Variants in PCCA observed in about 807,000 individuals in gnomAD.
The protein encoded by PCCA is propionyl-CoA carboxylase alpha chain, mitochondrial.
Under a neutral mutation model 101.3 loss-of-function variants are expected in PCCA, and 74 were observed. The observed-to-expected ratio is 0.73, with a 90% CI of 0.61 to 0.89. PCCA has a LOEUF of 0.89. Ranked by LOEUF, PCCA falls within the 40% of genes least tolerant of loss-of-function variation. The pLI is 0.00. For synonymous variants in PCCA, 294 were observed against 313.6 expected (o/e 0.94, Z 0.66); for missense variants, 891 against 907.0 (o/e 0.98, Z 0.23).
At chr13:100,381,738 C>T (rs1357197671) in intron 19 of PCCA, among the ~76,000 whole-genome samples, 14 of 152,318 alleles carry the variant, frequency 9.2e-5, no homozygotes, top group South Asian at 8.3e-4. Flanking sequence ...AGGGAGCACA[C>T]GAGCGAAGGA....
chr13:100,157,347 T>G lies in PCCA; in HGVS notation c.468+7T>G. 1 of 1,593,608 alleles carries G rather than the reference T, an allele frequency of 6.3e-7. No homozygotes were observed. Among genetic ancestry groups the G allele is most frequent in the Middle Eastern group, 1.7e-4 (1 of 6,028 alleles). ...AGAATTTGCCAGATGTTTGGTAAGT[T>G]GGTAATGAACCAGAAACTGTTCATT... On this transcript the variant is annotated splice_region_variant and intron_variant, in intron 6 of 23. Transcript: ENST00000376285.
chr13:100,292,090 T>C (rs1406195475), intron 12 of PCCA, among the ~76,000 whole-genome samples: 1 of 152,192 alleles, frequency 6.6e-6, no homozygotes, highest in Admixed American at 6.5e-5. Flanking sequence ...CCAGGCTGTT[T>C]TTGACAGCTT....
At chr13:100,165,430 T>C (rs1375944587) in intron 6 of PCCA, among the ~76,000 whole-genome samples, 1 of 152,166 alleles carries the variant, frequency 6.6e-6, no homozygotes, top group African/African-American at 2.4e-5. Context: ...CTAACCAATA[T>C]GTTTATGCTT....
At chr13:100,519,893 G>A (rs2087106031) in intron 22 of PCCA, among the ~76,000 whole-genome samples, 1 of 152,262 alleles carries the variant, frequency 6.6e-6, no homozygotes, top group Non-Finnish European at 1.5e-5. Flanking sequence ...CCCTGGCAGA[G>A]GGGCTAGCCT....
At chr13:100,095,817 A>T (rs2046717679) in intron 1 of PCCA, among the ~76,000 whole-genome samples, 1 of 152,142 alleles carries the variant, frequency 6.6e-6, no homozygotes, top group Non-Finnish European at 1.5e-5. Context: ...GGAATTTAGT[A>T]ATGAGAGTCC....
At chr13:100,366,127 G>A (rs1232627525) in intron 18 of PCCA, among the ~76,000 whole-genome samples, 5 of 152,186 alleles carry the variant, frequency 3.3e-5, no homozygotes, top group Non-Finnish European at 7.3e-5. Context: ...AATTCTTGAG[G>A]AAAGCACAGA....
At chr13:100,283,322 C>T (rs1202383208) in intron 12 of PCCA, among the ~76,000 whole-genome samples, 4 of 152,280 alleles carry the variant, frequency 2.6e-5, no homozygotes, top group South Asian at 4.2e-4. Context: ...TATGGATCCC[C>T]ACTGGGACCT....
chr13:100,508,146 A>G (rs911418669), intron 21 of PCCA, among the ~76,000 whole-genome samples: 14 of 152,118 alleles, frequency 9.2e-5, no homozygotes, highest in Non-Finnish European at 1.5e-4. Flanking sequence ...TTTCGGAAGC[A>G]AGCCCGAGAT....
At chr13:100,507,343 T>A (rs1190554174) in intron 21 of PCCA, among the ~76,000 whole-genome samples, 1 of 152,184 alleles carries the variant, frequency 6.6e-6, no homozygotes, top group East Asian at 1.9e-4. Flanking sequence ...GCCCCCTTTA[T>A]CATGGGCACA....
intron 6 of PCCA, among the ~76,000 whole-genome samples, chr13:100,200,138 T>C (rs1328304436): frequency 6.6e-6 from 1 of 152,168 alleles, no homozygotes; most frequent in Non-Finnish European, 1.5e-5. Context: ...AGAGTCTCAC[T>C]CTGTCACCCA....
At chr13:100,425,861 G>A (rs2079107143) in intron 20 of PCCA, 130 bp downstream of exon 20, 12 of 687,280 alleles carry the variant, frequency 1.7e-5, no homozygotes, top group South Asian at 6.7e-5. Flanking sequence ...TTTTACAGTC[G>A]AAAACTTTTT....
intron 8 of PCCA, among the ~76,000 whole-genome samples, chr13:100,248,894 C>T (rs2061599491): frequency 6.6e-6 from 1 of 151,934 alleles, no homozygotes; most frequent in Non-Finnish European, 1.5e-5. Flanking sequence ...TTATGGGCAC[C>T]CGCCACCACG....
Position 100,118,284 on chromosome 13 carries a change from A to G in PCCA, c.300+6223A>G, listed in dbSNP as rs1180998174. 3.9e-5 allele frequency among the ~76,000 whole-genome samples: 6 copies of G among 152,160 alleles called. No homozygotes were observed. In the South Asian group the frequency reaches 1.2e-3, roughly 32 times the overall value. On this transcript the variant is annotated intron_variant, in intron 4 of 23. Transcript: ENST00000376285. The stretch of plus-strand genomic sequence containing the variant: ...TTCTATAATATCATGTAATATGCCT[A>G]CCACATTCAGGTTTTTCCAGTTGAC...
chr13:100,297,685 T>G (rs540508625), intron 12 of PCCA, among the ~76,000 whole-genome samples: 19 of 152,338 alleles, frequency 1.2e-4, no homozygotes, highest in African/African-American at 3.8e-4. Context: ...GCTAGCCGAT[T>G]GTTACCATCT....
chr13:100,369,606 A>G (rs2075435318), intron 19 of PCCA, among the ~76,000 whole-genome samples: 1 of 152,180 alleles, frequency 6.6e-6, no homozygotes, highest in African/African-American at 2.4e-5. Flanking sequence ...CAGTCCATGA[A>G]CTAAGGGTAG....
chr13:100,159,628 G>A (rs1360395843), intron 6 of PCCA, among the ~76,000 whole-genome samples: 1 of 152,090 alleles, frequency 6.6e-6, no homozygotes, highest in Non-Finnish European at 1.5e-5. Context: ...TTCCATCTGG[G>A]GTTCTACATT....
At chr13:100,227,177 A>G (rs898026522) in intron 7 of PCCA, among the ~76,000 whole-genome samples, 5 of 151,566 alleles carry the variant, frequency 3.3e-5, no homozygotes, top group Non-Finnish European at 7.4e-5. Context: ...GGGTTTCACC[A>G]TATTGGCCAG....
chr13:100,200,437 A>G (rs1472600413), intron 6 of PCCA, among the ~76,000 whole-genome samples: 1 of 152,152 alleles, frequency 6.6e-6, no homozygotes, highest in Non-Finnish European at 1.5e-5. Flanking sequence ...TCTTTTCAAA[A>G]TGCCTTGGCT....
intron 6 of PCCA, among the ~76,000 whole-genome samples, chr13:100,194,977 A>G (rs1349291161): frequency 6.6e-6 from 1 of 152,200 alleles, no homozygotes; most frequent in Non-Finnish European, 1.5e-5. Flanking sequence ...TTATATTCCA[A>G]AGTTTAACTG....
Sources: allele counts gnomAD v4.1 joint callset (sites outside exome capture counted in the v4.1 genomes callset), GRCh38; gene constraint gnomAD v4.1.1; transcripts MANE v1.5; gene names NCBI Gene and HGNC (gene_info 2026-07-23, HGNC 2026-07-21).